Variants in RAB5A observed in about 807,000 individuals in gnomAD.
The protein encoded by RAB5A is RAB5A, member RAS oncogene family, also known as ras-related protein Rab-5A.
RAB5A carries 8 observed loss-of-function variants against 25.7 expected under a neutral mutation model. The ratio of observed to expected loss-of-function variants is 0.31; its 90% CI spans 0.18 to 0.56. The LOEUF (loss-of-function observed/expected upper bound fraction) is 0.56. Among genes scored for constraint, RAB5A ranks in the 20% least tolerant of loss-of-function variants. RAB5A has a pLI of 0.91. For missense variants in RAB5A, 192 were observed against 259.7 expected (o/e 0.74, Z 1.79); for synonymous variants, 98 against 89.8 (o/e 1.09, Z -0.52).
rs1696823618 is a variant in RAB5A, at chr3:19,976,252, T to A, written c.438+83T>A. On this transcript the variant is annotated intron_variant, in intron 4 of 5. Transcript: ENST00000273047. ...ATGTCAACACTTGAATTAGTTATAA[T>A]GTCAAAACCATGCAAGTAATAGAAA... 2.1e-6 allele frequency: 3 copies of A among 1,423,546 alleles called. No homozygotes were observed. In the South Asian group the frequency reaches 4.1e-5, roughly 19 times the overall value. The allele number at this position is 1,423,546 out of a possible 1,614,324, so 88.2% of individuals were successfully genotyped here.
intron 1 of RAB5A, chr3:19,947,788 C>T (rs2125175532): frequency 6.6e-6 from 1 of 152,384 alleles, no homozygotes; most frequent in African/African-American, 2.4e-5. Flanking sequence ...AAGATGGCGC[C>T]GTGGAAAGTG....
intron 2 of RAB5A, among the ~76,000 whole-genome samples, chr3:19,964,705 C>T (rs1212712253): frequency 6.6e-6 from 1 of 152,138 alleles, no homozygotes; most frequent in Non-Finnish European, 1.5e-5. Context: ...CCTCTGCCTC[C>T]CTGGTTCAAA....
Position 19,952,750 on chromosome 3 carries a change from AT to A in RAB5A, c.163+1699del, listed in dbSNP as rs145938707. ...ACACAATATATTAGACATCTTTGTG[AT>A]TTTTTTTTTCCCTGAAAGTACATCC... On this transcript the variant is annotated intron_variant, in intron 2 of 5. Coordinates refer to ENST00000273047, the MANE Select transcript of RAB5A (RefSeq NM_004162.5). Among the ~76,000 whole-genome samples, 491 of 150,296 alleles carry A rather than the reference AT, an allele frequency of 3.3e-3. 3 individuals carry two copies. The highest frequency in any genetic ancestry group is 0.011 in the African/African-American group (450 of 40,958).
intron 1 of RAB5A, among the ~76,000 whole-genome samples, chr3:19,948,238 A>T (rs1330816706): frequency 6.6e-6 from 1 of 152,226 alleles, no homozygotes; most frequent in Non-Finnish European, 1.5e-5. Context: ...TTAAGTTCTG[A>T]ACGTCATAGT....
Position 19,983,733 on chromosome 3 carries a change from A to G in RAB5A, c.558A>G (p.Pro186=). The change falls in exon 6 of 6, where the codon CCA becomes CCG. Residue 186 remains proline, a synonymous_variant. Transcript: ENST00000273047. The part of the protein sequence containing the change: ...AIAKKLPKNE[P]QNPGANSARG... ...CTAAAAAATTGCCAAAGAATGAACC[A>G]CAAAATCCAGGAGCAAATTCTGCCA... 2.5e-6 allele frequency: 4 copies of G among 1,611,532 alleles called. No homozygotes were observed. Among genetic ancestry groups the G allele is most frequent in the Non-Finnish European group, 3.4e-6 (4 of 1,178,452 alleles).
chr3:19,977,320 C>T (rs1370266997), intron 4 of RAB5A, among the ~76,000 whole-genome samples: 2 of 152,126 alleles, frequency 1.3e-5, no homozygotes, highest in Admixed American at 6.6e-5. Flanking sequence ...GTGATCCACC[C>T]GCCTCCGCCT....
intron 4 of RAB5A, 37 bp from the exon 5 acceptor site, chr3:19,978,273 T>G: frequency 2.2e-6 from 3 of 1,335,152 alleles, no homozygotes; most frequent in Non-Finnish European, 3.2e-6. Context: ...TTCCAAGAGA[T>G]ATATCTCATA....
At chr3:19,980,525 A>G (rs934817916) in intron 5 of RAB5A, among the ~76,000 whole-genome samples, 2 of 151,104 alleles carry the variant, frequency 1.3e-5, no homozygotes, top group Non-Finnish European at 3.0e-5. Context: ...ACTCATAACA[A>G]CTCTAATCAA....
chr3:19,955,678 G>A (rs193100258), intron 2 of RAB5A, among the ~76,000 whole-genome samples: 179 of 152,184 alleles, frequency 1.2e-3, no homozygotes, highest in Non-Finnish European at 2.2e-3. Context: ...CGGATCACGA[G>A]GTCAGGAGTT....
intron 2 of RAB5A, among the ~76,000 whole-genome samples, chr3:19,952,233 A>G (rs755337133): frequency 6.6e-6 from 1 of 152,248 alleles, no homozygotes. Context: ...CAGTGGGACA[A>G]GATAGCCTCT....
intron 3 of RAB5A, 27 bp from the exon 4 acceptor site, chr3:19,976,018 TGC>T (rs1200333836): frequency 1.3e-6 from 2 of 1,599,286 alleles, no homozygotes; most frequent in Non-Finnish European, 8.5e-7. Context: ...TTTGAGCCTG[TGC>T]TCAATGGCTG....
intron 2 of RAB5A, among the ~76,000 whole-genome samples, chr3:19,961,185 A>G (rs1696579783): frequency 6.6e-6 from 1 of 152,208 alleles, no homozygotes; most frequent in African/African-American, 2.4e-5. Flanking sequence ...TAGAACTTAA[A>G]CAGGATTTTC....
intron 2 of RAB5A, among the ~76,000 whole-genome samples, chr3:19,953,210 G>A (rs955101200): frequency 6.6e-6 from 1 of 152,210 alleles, no homozygotes; most frequent in East Asian, 1.9e-4. Flanking sequence ...CAAGAAGGAT[G>A]TTTAAAAGAA....
At chr3:19,976,378 A>G (rs1423713383) in intron 4 of RAB5A, among the ~76,000 whole-genome samples, 1 of 152,208 alleles carries the variant, frequency 6.6e-6, no homozygotes, top group African/African-American at 2.4e-5. Flanking sequence ...AACTGACCCA[A>G]AGATTTTGTA....
rs537864304 is a variant in RAB5A at position 19,962,295 on chromosome 3, C to T, written c.163+11234C>T. ...TAGAAAATACAATCTACAGGCTGGG[C>T]GTGGTGGCTCACACCTGTAATCCCA... is the stretch of plus-strand genomic sequence containing the variant. On this transcript the variant is annotated intron_variant, in intron 2 of 5. Transcript: ENST00000273047. 6.4e-4 allele frequency among the ~76,000 whole-genome samples: 98 copies of T among 152,180 alleles called. No individual in the cohort carries two copies. In the Middle Eastern group the frequency reaches 0.017, roughly 26 times the overall value.
intron 2 of RAB5A, among the ~76,000 whole-genome samples, chr3:19,971,207 A>AAAC (rs1407916843): frequency 8.0e-5 from 11 of 137,186 alleles, no homozygotes; most frequent in African/African-American, 2.8e-4. Flanking sequence ...CAAAAAAAAA[A>AAAC]AAAAAAAACA....
intron 5 of RAB5A, among the ~76,000 whole-genome samples, chr3:19,981,608 C>T (rs1373311212): frequency 4.4e-5 from 6 of 137,784 alleles, no homozygotes; most frequent in South Asian, 4.7e-4. Flanking sequence ...AGCGAGACTC[C>T]GCCTCAAAAA....
At chr3:19,954,178 T>G (rs893081272) in intron 2 of RAB5A, among the ~76,000 whole-genome samples, 5 of 152,116 alleles carry the variant, frequency 3.3e-5, no homozygotes, top group African/African-American at 1.2e-4. Context: ...CCAATCCCAG[T>G]GAACTTTTGT....
chr3:19,961,678 G>A (rs1397777891), intron 2 of RAB5A, among the ~76,000 whole-genome samples: 1 of 152,044 alleles, frequency 6.6e-6, no homozygotes, highest in East Asian at 1.9e-4. Context: ...CAAAATTCAA[G>A]AAGTTTATAA....
Sources: gnomAD v4.1 joint callset for allele counts (sites outside exome capture counted in the v4.1 genomes callset) on GRCh38, gnomAD v4.1.1 for gene constraint, MANE v1.5 for transcripts, NCBI Gene and HGNC (gene_info 2026-07-23, HGNC 2026-07-21) for gene names.